The following MALT1 variants were observed in gnomAD, a reference collection of about 807,000 sequenced individuals.
The protein encoded by MALT1 is MALT1 paracaspase.
Under a neutral mutation model 85.5 loss-of-function variants are expected in MALT1, and 36 were observed. The ratio of observed to expected loss-of-function variants is 0.42; its 90% CI spans 0.32 to 0.56. The LOEUF (loss-of-function observed/expected upper bound fraction) is 0.56, where lower values mean the gene tolerates loss of function less well. MALT1 is among the 20% of genes least tolerant of loss of function. The pLI is 0.10. For synonymous variants in MALT1, 359 were observed against 361.3 expected, an observed-to-expected ratio of 0.99 and a Z score of 0.07; for missense variants, 716 against 981.6, an observed-to-expected ratio of 0.73 and a Z score of 3.62.
chr18:58,706,070 C>G (rs1462940185), intron 4 of MALT1, among the ~76,000 whole-genome samples: 1 of 152,214 alleles, frequency 6.6e-6, no homozygotes, highest in African/African-American at 2.4e-5. Flanking sequence ...ACTGCAAGCT[C>G]TGCCTCCTGA....
intron 15 of MALT1, 108 bp from the exon 16 acceptor site, chr18:58,745,558 G>T: frequency 3.2e-6 from 3 of 940,938 alleles, no homozygotes; most frequent in Non-Finnish European, 3.2e-6. Flanking sequence ...TTCACGAGAG[G>T]CCAGAATTCA....
chr18:58,687,502 GA>G (rs571035036), intron 2 of MALT1, among the ~76,000 whole-genome samples: 124 of 152,336 alleles, frequency 8.1e-4, no homozygotes, highest in African/African-American at 2.8e-3. Flanking sequence ...GTTAGAGGAA[GA>G]GGAATGATAT....
In MALT1 at chr18:58,701,918, G is replaced by T. The variant is rs72960731; in HGVS notation, c.649+1327G>T. On this transcript the variant is annotated intron_variant, in intron 4 of 16. Coordinates refer to ENST00000649217, the MANE Select transcript of MALT1 (RefSeq NM_006785.4). ...AGCACTCAGTAGATGTTTGTTGACA[G>T]AATGAAGAACCAGGGTGAATTCTGT... Among the ~76,000 whole-genome samples, 502 of 152,330 alleles carry T rather than the reference G, an allele frequency of 3.3e-3. 2 individuals are homozygous for T. Among genetic ancestry groups the T allele is most frequent in the Non-Finnish European group, 4.8e-3 (329 of 68,022 alleles).
Position 58,751,807 on chromosome 18 carries a change from A to G in MALT1, c.*3965A>G, listed in dbSNP as rs1438970476. The G allele has an allele frequency of 6.6e-6, 1 of 152,224 alleles. No individual in the cohort carries two copies. The highest frequency in any genetic ancestry group is 2.4e-5 in the African/African-American group (1 of 41,466). The allele number at this position is 152,224 out of a possible 1,614,324, so 9.4% of individuals were successfully genotyped here. A position where few individuals can be genotyped will look rare whatever the true frequency, so the allele number is the denominator to read the frequency against. ...GAGAGGGGATATTTTCTGGAAGGTA[A>G]TTTTTAAAAATTAAAGTCACAATTA... On this transcript the variant is annotated 3_prime_UTR_variant, in exon 17 of 17. Coordinates refer to ENST00000649217, the MANE Select transcript of MALT1 (RefSeq NM_006785.4).
intron 13 of MALT1, among the ~76,000 whole-genome samples, chr18:58,737,170 A>G (rs1267701969): frequency 6.6e-6 from 1 of 151,978 alleles, no homozygotes; most frequent in African/African-American, 2.4e-5. Flanking sequence ...GCAAGACCCC[A>G]TCTCAATTTA....
chr18:58,734,411 T>C, intron 12 of MALT1, 30 bp downstream of exon 12: 1 of 1,565,576 alleles, frequency 6.4e-7, no homozygotes. Flanking sequence ...ACGTTGAAGT[T>C]TCCTTTATTG....
In MALT1 at chr18:58,700,477, G is replaced by A; in HGVS notation, c.535G>A (p.Ala179Thr). The change falls in exon 4 of 17, where the codon GCA becomes ACA. Residue 179 changes from alanine (A) to threonine (T), a missense_variant. Ala to Thr is a moderately conservative substitution (Grantham distance 58, BLOSUM62 0). Transcript: ENST00000649217. ...NGNTSELIFN[A>T]VHVKDAGFYV... ...AAATACATCAGAGCTTATTTTTAAT[G>A]CAGTGCATGTAAAAGATGCAGGCTT... 6.2e-7 allele frequency: 1 copy of A among 1,606,824 alleles called. No individual in the cohort carries two copies. Among genetic ancestry groups the A allele is most frequent in the South Asian group, 1.1e-5 (1 of 88,972 alleles).
chr18:58,697,976 A>G (rs2054614577), intron 3 of MALT1, among the ~76,000 whole-genome samples: 1 of 152,318 alleles, frequency 6.6e-6, no homozygotes, highest in Middle Eastern at 3.4e-3. Flanking sequence ...GGGTGGCAAC[A>G]TAATATGAGA....
intron 9 of MALT1, among the ~76,000 whole-genome samples, chr18:58,722,455 G>C: frequency 6.6e-6 from 1 of 152,164 alleles, no homozygotes; most frequent in East Asian, 1.9e-4. Context: ...CCTCATCTGA[G>C]TCAAATGGGG....
At chr18:58,678,207 A>G (rs2054269065) in intron 1 of MALT1, among the ~76,000 whole-genome samples, 1 of 152,208 alleles carries the variant, frequency 6.6e-6, no homozygotes, top group Non-Finnish European at 1.5e-5. Flanking sequence ...AATCTTGGGT[A>G]ACAGTATAAA....
intron 2 of MALT1, chr18:58,692,043 C>CAAAAAA (rs56255300): frequency 3.2e-5 from 2 of 62,576 alleles, no homozygotes; most frequent in African/African-American, 6.8e-5. Flanking sequence ...GACTCCGTCT[C>CAAAAAA]AAAAAAAAAA....
chr18:58,676,445 ATCT>A (rs2054241445), intron 1 of MALT1, among the ~76,000 whole-genome samples: 1 of 152,116 alleles, frequency 6.6e-6, no homozygotes. Flanking sequence ...TCAACCTGAT[ATCT>A]TCTTGTCTCC....
At chr18:58,738,926 T>A (rs2055263112) in intron 13 of MALT1, among the ~76,000 whole-genome samples, 2 of 152,190 alleles carry the variant, frequency 1.3e-5, no homozygotes, top group African/African-American at 4.8e-5. Context: ...GTTTCTGACT[T>A]TAAAGGAAAT....
chr18:58,707,361 C>CT (rs199919132), intron 4 of MALT1, among the ~76,000 whole-genome samples: 8,826 of 136,846 alleles, frequency 0.064, 360 homozygotes, highest in East Asian at 0.23. Flanking sequence ...TTTTCTTTTT[C>CT]TTTTTTTTTT....
At chr18:58,697,397 T>G (rs763703853) in intron 3 of MALT1, 4 of 152,184 alleles carry the variant, frequency 2.6e-5, no homozygotes, top group Non-Finnish European at 5.9e-5. Context: ...AACTGTGGAA[T>G]GTAGTAAAAA....
chr18:58,735,162 C>G lies in MALT1; in HGVS notation c.1476-40C>G. The stretch of plus-strand genomic sequence containing the variant: ...TATAAGTGAGAACATACAGTATTTG[C>G]CTTTCTGTGCCTGGCTTAACTTCTT... On this transcript the variant is annotated intron_variant, in intron 12 of 16. Transcript: ENST00000649217. The G allele has an allele frequency of 1.9e-6, 3 of 1,564,346 alleles. No homozygotes were observed. The South Asian group carries it at 3.5e-5, about 18-fold the overall frequency.
chr18:58,738,549 T>C (rs2055256599), intron 13 of MALT1, among the ~76,000 whole-genome samples: 1 of 152,196 alleles, frequency 6.6e-6, no homozygotes, highest in South Asian at 2.1e-4. Context: ...AGTATTCCAT[T>C]TTGAGAGAGA....
At chr18:58,708,294 T>C (rs2054785663) in intron 4 of MALT1, among the ~76,000 whole-genome samples, 2 of 152,206 alleles carry the variant, frequency 1.3e-5, no homozygotes. Flanking sequence ...CAGAATCTTT[T>C]GCAGCTGGGG....
intron 2 of MALT1, among the ~76,000 whole-genome samples, chr18:58,693,537 T>G (rs1024719215): frequency 6.6e-6 from 1 of 152,222 alleles, no homozygotes; most frequent in Admixed American, 6.5e-5. Flanking sequence ...CATCTAGAAC[T>G]TTGATAGCTA....
Sources: gnomAD v4.1 joint callset for allele counts (sites outside exome capture counted in the v4.1 genomes callset) on GRCh38, gnomAD v4.1.1 for gene constraint, MANE v1.5 for transcripts, NCBI Gene and HGNC (gene_info 2026-07-23, HGNC 2026-07-21) for gene names.